Variants in TXLNB observed in about 807,000 individuals in gnomAD.
TXLNB encodes the protein beta-taxilin.
In TXLNB, 37 loss-of-function variants were observed where a neutral mutation model predicts 57.4. The ratio of observed to expected loss-of-function variants is 0.64; its 90% CI spans 0.50 to 0.85. The LOEUF is 0.85. Ranked by LOEUF, TXLNB falls within the 40% of genes least tolerant of loss-of-function variation. The pLI is 0.00. For missense variants in TXLNB, 848 were observed against 825.6 expected (o/e 1.03, Z -0.33); for synonymous variants, 302 against 309.6 (o/e 0.98, Z 0.26).
chr6:139,292,220 G>C (rs921747455), upstream of TXLNB: 1 of 152,232 alleles, frequency 6.6e-6, no homozygotes, highest in African/African-American at 2.4e-5. The surrounding 1 kb of genome is among the most constrained non-coding windows in gnomAD (Gnocchi z 4.0). Flanking sequence ...CTGTTGCCAG[G>C]GGAAATACCT....
intron 4 of TXLNB, among the ~76,000 whole-genome samples, chr6:139,267,508 C>T (rs998560897): frequency 7.9e-5 from 12 of 151,904 alleles, no homozygotes; most frequent in African/African-American, 2.9e-4. Flanking sequence ...TTTCAAAATA[C>T]AAGAGATGAA....
At chr6:139,252,353 A>G (rs915455259) in intron 7 of TXLNB, among the ~76,000 whole-genome samples, 2 of 152,258 alleles carry the variant, frequency 1.3e-5, no homozygotes, top group African/African-American at 2.4e-5. Context: ...GTTTGTTTTC[A>G]AAGTTTAGAA....
rs188381052 is a variant in TXLNB, at chr6:139,288,574, G to C, written c.326C>G (p.Ala109Gly). Reference protein sequence around the residue: ...DGDCEETTEEAGREPVASGEP... With the variant: ...DGDCEETTEEGGREPVASGEP... Reference sequence around the variant, plus strand: ...TCCAGAAGCAACGGGTTCTCTTCCAGCCTCTTCAGTTGTTTCCTCACAGTC... The same window carrying C: ...TCCAGAAGCAACGGGTTCTCTTCCACCCTCTTCAGTTGTTTCCTCACAGTC... Residue 109 changes from alanine (A) to glycine (G), a missense_variant, in exon 2 of 10, where the codon GCT becomes GGT. Ala to Gly is a moderately conservative substitution (Grantham distance 60). Coordinates refer to ENST00000358430, the MANE Select transcript of TXLNB (RefSeq NM_153235.4). 7.4e-6 allele frequency: 12 copies of C among 1,614,176 alleles called. No individual in the cohort carries two copies. The highest frequency in any genetic ancestry group is 1.0e-5 in the Non-Finnish European group (12 of 1,180,036).
chr6:139,318,311 G>A, the TXLNB span, among the ~76,000 whole-genome samples: 1 of 150,426 alleles, frequency 6.6e-6, no homozygotes, highest in Non-Finnish European at 1.5e-5. Flanking sequence ...TTATGGAACT[G>A]CTAAATAAGA....
the TXLNB span, among the ~76,000 whole-genome samples, chr6:139,208,979 C>T: frequency 6.6e-6 from 1 of 152,166 alleles, no homozygotes; most frequent in African/African-American, 2.4e-5. Flanking sequence ...ACATCCAAAT[C>T]GGTAAAGAGG....
At chr6:139,173,536 A>G in the TXLNB span, among the ~76,000 whole-genome samples, 1 of 152,186 alleles carries the variant, frequency 6.6e-6, no homozygotes, top group Non-Finnish European at 1.5e-5. Context: ...TCTGAATATG[A>G]GGCCACTTAG....
chr6:139,215,294 C>T, the TXLNB span, among the ~76,000 whole-genome samples: 1 of 152,082 alleles, frequency 6.6e-6, no homozygotes, highest in South Asian at 2.1e-4. Flanking sequence ...ACCAATGGAA[C>T]AGAACAGAGC....
the TXLNB span, among the ~76,000 whole-genome samples, chr6:139,171,838 T>G: frequency 3.8e-4 from 56 of 146,770 alleles, no homozygotes; most frequent in Middle Eastern, 3.4e-3. Context: ...GTTGTTGTGT[T>G]TTTTTTTTTT....
At chr6:139,190,830 T>C in the TXLNB span, among the ~76,000 whole-genome samples, 1 of 152,172 alleles carries the variant, frequency 6.6e-6, no homozygotes, top group African/African-American at 2.4e-5. Context: ...CTAAAAGCCA[T>C]CACCTTGGGG....
chr6:139,195,737 A>C, the TXLNB span, among the ~76,000 whole-genome samples: 13,333 of 152,266 alleles, frequency 0.088, 845 homozygotes, highest in Non-Finnish European at 0.14. Flanking sequence ...TTGTAGTTGC[A>C]TGGTTAAGTT....
At chr6:139,276,785 G>C in intron 3 of TXLNB, 45 bp downstream of exon 3, 1 of 1,459,430 alleles carries the variant, frequency 6.9e-7, no homozygotes, top group Non-Finnish European at 9.5e-7. Flanking sequence ...AGAGGCACTG[G>C]GCTCACTAAT....
At chr6:139,231,966 TCTGA>T in the TXLNB span, among the ~76,000 whole-genome samples, 1 of 152,236 alleles carries the variant, frequency 6.6e-6, no homozygotes, top group Non-Finnish European at 1.5e-5. Context: ...ATTACAATAG[TCTGA>T]CTGTGAGGAA....
chr6:139,174,669 A>T, the TXLNB span: 1 of 1,331,018 alleles, frequency 7.5e-7, no homozygotes, highest in Non-Finnish European at 1.0e-6. Context: ...TACTACTTGT[A>T]ATGTAGTCAT....
At chr6:139,265,984 G>A (rs1776605614) in intron 4 of TXLNB, among the ~76,000 whole-genome samples, 1 of 152,214 alleles carries the variant, frequency 6.6e-6, no homozygotes, top group African/African-American at 2.4e-5. Context: ...ACACAAATCT[G>A]ATTGGCCTTG....
At chr6:139,291,606 AAGTC>A (rs1777301745) in intron 1 of TXLNB, among the ~76,000 whole-genome samples, 1 of 152,230 alleles carries the variant, frequency 6.6e-6, no homozygotes. Flanking sequence ...GAAAAAAACA[AAGTC>A]AGAGAACTTT....
chr6:139,321,725 G>A, the TXLNB span, among the ~76,000 whole-genome samples: 6 of 135,862 alleles, frequency 4.4e-5, no homozygotes, highest in African/African-American at 1.4e-4. Context: ...TCCACCTCCC[G>A]GGTTCACACC....
chr6:139,260,703 A>T (rs1776458834), intron 5 of TXLNB, among the ~76,000 whole-genome samples: 1 of 152,166 alleles, frequency 6.6e-6, no homozygotes, highest in Non-Finnish European at 1.5e-5. Context: ...AGATCCATAC[A>T]ATATTTTTCT....
the TXLNB span, among the ~76,000 whole-genome samples, chr6:139,220,147 G>A: frequency 6.6e-6 from 1 of 152,196 alleles, no homozygotes; most frequent in African/African-American, 2.4e-5. Context: ...ACCTCAGAGA[G>A]ATCTTTTGCC....
chr6:139,321,332 G>A, the TXLNB span, among the ~76,000 whole-genome samples: 1 of 152,146 alleles, frequency 6.6e-6, no homozygotes, highest in African/African-American at 2.4e-5. Context: ...CCAGAGAGTT[G>A]CCTTGTGCCT....
Sources: gnomAD v4.1 joint callset for allele counts (sites outside exome capture counted in the v4.1 genomes callset) on GRCh38, gnomAD v4.1.1 for gene constraint, Gnocchi (gnomAD v3.1) non-coding constraint, MANE v1.5 for transcripts, NCBI Gene and HGNC (gene_info 2026-07-23, HGNC 2026-07-21) for gene names.